Variants in GSE1 observed in about 807,000 individuals in gnomAD.
The protein encoded by GSE1 is Gse1 coiled-coil protein.
GSE1 carries 32 observed loss-of-function variants against 112.6 expected under a neutral mutation model. That is an observed-to-expected ratio of 0.28 (90% CI 0.21 to 0.38). GSE1 has a LOEUF of 0.38. Among genes scored for constraint, GSE1 ranks in the 10% least tolerant of loss-of-function variants. GSE1 has a pLI of 1.00. For missense variants in GSE1, 2,348 were observed against 1,699.2 expected (o/e 1.38, Z -6.71); for synonymous variants, 1,115 against 735.6 (o/e 1.52, Z -8.35).
At chr16:85,350,452 G>A (rs144780820) in intron 1 of GSE1, among the ~76,000 whole-genome samples, 1 of 152,258 alleles carries the variant, frequency 6.6e-6, no homozygotes, top group Non-Finnish European at 1.5e-5. Flanking sequence ...ACCCTAGACT[G>A]TCATGGGGCT....
chr16:85,474,451 C>A (rs1254967294), intron 2 of GSE1, among the ~76,000 whole-genome samples: 1 of 152,082 alleles, frequency 6.6e-6, no homozygotes, highest in Non-Finnish European at 1.5e-5. Flanking sequence ...AGTGGGGATG[C>A]CAGAGGGGCC....
chr16:85,246,594 G>A (rs4073556), intron 1 of GSE1, among the ~76,000 whole-genome samples: 5,375 of 149,186 alleles, frequency 0.036, 201 homozygotes, highest in African/African-American at 0.096. Context: ...ATTATCCCCG[G>A]CCCTGGAGGA....
intron 1 of GSE1, among the ~76,000 whole-genome samples, chr16:85,560,128 C>CTTTTTTTTTTTTTTTTTTTTTTTT (rs377241566): frequency 2.0e-5 from 2 of 99,162 alleles, no homozygotes; most frequent in Non-Finnish European, 3.7e-5. Flanking sequence ...TCTTCTTCTT[C>CTTTTTTTTTTTTTTTTTTTTTTTT]TTTTTTTTTT....
At chr16:85,366,068 T>G (rs1272968911) in intron 2 of GSE1, among the ~76,000 whole-genome samples, 1 of 152,268 alleles carries the variant, frequency 6.6e-6, no homozygotes, top group Non-Finnish European at 1.5e-5. Flanking sequence ...CTTTTGTCTC[T>G]TTTTTGTTGG....
intron 2 of GSE1, among the ~76,000 whole-genome samples, chr16:85,489,418 A>T (rs2050940831): frequency 6.6e-6 from 1 of 152,084 alleles, no homozygotes; most frequent in Admixed American, 6.5e-5. Flanking sequence ...CTCCAGCACC[A>T]TCTGCCTCTG....
chr16:85,357,690 G>A (rs936813867), intron 2 of GSE1: 28 of 1,212,952 alleles, frequency 2.3e-5, no homozygotes, highest in African/African-American at 4.7e-5. Context: ...GCTGGGATGC[G>A]GTTGTCCCAG....
At chr16:85,519,571 C>CACCATCACCAACCATT in intron 2 of GSE1, among the ~76,000 whole-genome samples, 1 of 140,582 alleles carries the variant, frequency 7.1e-6, no homozygotes, top group South Asian at 2.3e-4. Flanking sequence ...TCATCATCAC[C>CACCATCACCAACCATT]ATCACCAGTC....
At chr16:85,327,196 T>C (rs1279733277) in intron 1 of GSE1, among the ~76,000 whole-genome samples, 1 of 152,162 alleles carries the variant, frequency 6.6e-6, no homozygotes, top group East Asian at 1.9e-4. Flanking sequence ...GGATTACTTT[T>C]ATGATCTGGC....
chr16:85,331,489 A>T (rs867537562), intron 1 of GSE1, among the ~76,000 whole-genome samples: 1 of 114,490 alleles, frequency 8.7e-6, no homozygotes, highest in African/African-American at 2.8e-5. Flanking sequence ...ATGTGTATAT[A>T]TGTGTATATG....
intron 1 of GSE1, among the ~76,000 whole-genome samples, chr16:85,187,051 C>A (rs373430827): frequency 1.3e-5 from 2 of 152,202 alleles, no homozygotes; most frequent in East Asian, 1.9e-4. Flanking sequence ...GGTGCAGTGA[C>A]GCAGCCACGC....
chr16:85,654,883 A>C lies in GSE1; in HGVS notation c.689A>C (p.Asp230Ala). 6.2e-7 allele frequency: 1 copy of C among 1,610,630 alleles called. No homozygotes were observed. The highest frequency in any genetic ancestry group is 8.5e-7 in the Non-Finnish European group (1 of 1,179,172). Residue 230 changes from aspartate (D) to alanine (A), a missense_variant, in exon 5 of 16, where the codon GAC (aspartate) becomes GCC (alanine). Transcript: ENST00000253458. ...TTCCGGCCCTACCACACCACCGACGACCTCCGCATGTCCTCACTGCCTCCC... is the reference window on the plus strand; with the variant it reads ...TTCCGGCCCTACCACACCACCGACGCCCTCCGCATGTCCTCACTGCCTCCC... Reference protein sequence around the residue: ...RSFRPYHTTDDLRMSSLPPLG... With the variant: ...RSFRPYHTTDALRMSSLPPLG...
chr16:85,472,774 A>C (rs1323849920), intron 2 of GSE1, among the ~76,000 whole-genome samples: 1 of 152,236 alleles, frequency 6.6e-6, no homozygotes, highest in Non-Finnish European at 1.5e-5. Context: ...AAGATCCGGG[A>C]AGCTGTCACC....
chr16:85,250,939 A>G (rs149561164), intron 1 of GSE1, among the ~76,000 whole-genome samples: 2 of 151,456 alleles, frequency 1.3e-5, no homozygotes, highest in East Asian at 3.9e-4. Context: ...TGTGTCTGGC[A>G]TCTTTCACTC....
chr16:85,654,257 C>A (rs1367409918), intron 3 of GSE1, 21 bp from the exon 4 acceptor site: 3 of 1,572,622 alleles, frequency 1.9e-6, no homozygotes, highest in South Asian at 1.2e-5. Context: ...CCTGCCCTGA[C>A]TGGACGCTCT....
At chr16:85,384,516 C>A (rs1171334421) in intron 2 of GSE1, among the ~76,000 whole-genome samples, 1 of 152,216 alleles carries the variant, frequency 6.6e-6, no homozygotes, top group Admixed American at 6.5e-5. Context: ...GTGTGTGCAG[C>A]ACCAGGCCTG....
intron 2 of GSE1, among the ~76,000 whole-genome samples, chr16:85,483,636 C>T (rs553862321): frequency 3.9e-5 from 6 of 152,388 alleles, no homozygotes; most frequent in South Asian, 2.1e-4. Context: ...TCCGAGGCGG[C>T]GGGCTGAGAC....
At chr16:85,564,589 G>A (rs1177729867) in intron 1 of GSE1, among the ~76,000 whole-genome samples, 2 of 152,214 alleles carry the variant, frequency 1.3e-5, no homozygotes, top group Non-Finnish European at 2.9e-5. Context: ...TTCCTCACCA[G>A]TGGGGACTTG....
chr16:85,501,012 T>TTTG (rs2051347638), intron 2 of GSE1, among the ~76,000 whole-genome samples: 2 of 140,408 alleles, frequency 1.4e-5, no homozygotes, highest in South Asian at 2.4e-4. Flanking sequence ...TTTTTTTTTT[T>TTTG]TTTTTTTTTT....
At chr16:85,631,109 C>G (rs1004122233) in intron 1 of GSE1, among the ~76,000 whole-genome samples, 1 of 152,222 alleles carries the variant, frequency 6.6e-6, no homozygotes, top group Admixed American at 6.5e-5. Context: ...CCACGAGGAC[C>G]TGGTTCATTG....
Sources: allele counts gnomAD v4.1 joint callset (sites outside exome capture counted in the v4.1 genomes callset), GRCh38; gene constraint gnomAD v4.1.1; transcripts MANE v1.5; gene names NCBI Gene and HGNC (gene_info 2026-07-23, HGNC 2026-07-21).